Variants in SETBP1 observed in about 807,000 individuals in gnomAD.
SETBP1 encodes SET-binding protein.
A neutral mutation model predicts 101.0 loss-of-function variants in SETBP1; 9 were observed. The observed-to-expected ratio is 0.09, with a 90% confidence interval of 0.05 to 0.16. The LOEUF (loss-of-function observed/expected upper bound fraction) is 0.16, where lower values mean the gene tolerates loss of function less well. SETBP1 is among the 10% of genes least tolerant of loss of function. SETBP1 has a pLI of 1.00. For synonymous variants in SETBP1, 818 were observed against 788.5 expected (o/e 1.04, Z -0.63); for missense variants, 1,858 against 2,033.8 (o/e 0.91, Z 1.66).
chr18:44,761,500 C>G (rs1324573262), intron 2 of SETBP1, among the ~76,000 whole-genome samples: 1 of 152,194 alleles, frequency 6.6e-6, no homozygotes, highest in Non-Finnish European at 1.5e-5. Flanking sequence ...TGCCCAGGGT[C>G]ATACATGATA....
rs1365211294 is a variant in SETBP1 at position 45,063,365 on chromosome 18, C to A, written c.4458C>A (p.Gly1486=). 6.4e-6 allele frequency: 10 copies of A among 1,569,796 alleles called. No individual in the cohort carries two copies. The East Asian group carries it at 2.4e-4, about 38-fold the overall frequency. Residue 1486 remains glycine (G), a synonymous_variant, in exon 6 of 6, where the codon GGC becomes GGA. Coordinates refer to ENST00000649279, the MANE Select transcript of SETBP1 (RefSeq NM_015559.3). ...EKCIDLPSKR[G]QKPSLSPLVL... is the part of the protein sequence containing the mutation. The stretch of plus-strand genomic sequence containing the variant: ...GCATCGACCTGCCCAGCAAAAGAGG[C>A]CAGAAGCCCAGCCTGAGCCCGCTGG...
intron 2 of SETBP1, 45 bp from the exon 3 acceptor site, chr18:44,869,185 C>T (rs1285543812): frequency 1.3e-6 from 2 of 1,575,936 alleles, no homozygotes; most frequent in Non-Finnish European, 1.7e-6. Flanking sequence ...ATACTGTATG[C>T]AAACTGAAAA....
chr18:44,864,334 C>T (rs575130474), intron 2 of SETBP1, among the ~76,000 whole-genome samples: 2 of 152,062 alleles, frequency 1.3e-5, no homozygotes, highest in Non-Finnish European at 1.5e-5. Context: ...AGCAGAATGC[C>T]GCTGCTTAGG....
intron 5 of SETBP1, among the ~76,000 whole-genome samples, chr18:45,053,742 T>C (rs2073761284): frequency 6.6e-6 from 1 of 151,314 alleles, no homozygotes; most frequent in Non-Finnish European, 1.5e-5. Flanking sequence ...ATGTTTGCTA[T>C]ATGGTTCTTT....
chr18:44,791,936 G>A (rs542624391), intron 2 of SETBP1, among the ~76,000 whole-genome samples: 1 of 152,074 alleles, frequency 6.6e-6, no homozygotes, highest in Non-Finnish European at 1.5e-5. Flanking sequence ...ACTCAACTGT[G>A]GGGAAGGCAT....
chr18:44,952,783 A>C lies in SETBP1; in HGVS notation c.3443A>C (p.His1148Pro). The C allele has an allele frequency of 6.2e-7, 1 of 1,614,104 alleles. No individual in the cohort carries two copies. Among genetic ancestry groups the C allele is most frequent in the Non-Finnish European group, 8.5e-7 (1 of 1,180,022 alleles). The part of the protein sequence containing the change: ...GSASLSSGRL[H>P]KRKHKHKHKH... ...GCCAGTCTGTCCAGTGGTCGGCTCC[A>C]TAAGAGGAAACACAAACACAAGCAT... The change falls in exon 4 of 6, where the codon CAT (histidine) becomes CCT (proline). Residue 1148 changes from histidine (H) to proline (P), a missense_variant. Coordinates refer to ENST00000649279, the MANE Select transcript of SETBP1 (RefSeq NM_015559.3).
intron 3 of SETBP1, among the ~76,000 whole-genome samples, chr18:44,918,642 T>C (rs1235233442): frequency 2.0e-5 from 3 of 152,170 alleles, no homozygotes; most frequent in African/African-American, 7.2e-5. Flanking sequence ...TCCTCAAAGG[T>C]CCTTTCCAAC....
At chr18:44,992,709 G>T (rs957734778) in intron 4 of SETBP1, among the ~76,000 whole-genome samples, 2 of 151,920 alleles carry the variant, frequency 1.3e-5, no homozygotes, top group Non-Finnish European at 2.9e-5. Flanking sequence ...AGAATCAATA[G>T]TTTAAAAATC....
intron 3 of SETBP1, among the ~76,000 whole-genome samples, chr18:44,924,298 C>T (rs905519836): frequency 6.6e-6 from 1 of 152,168 alleles, no homozygotes; most frequent in South Asian, 2.1e-4. Flanking sequence ...ATCAGTGAGT[C>T]AGATGTCATC....
chr18:45,054,955 T>C (rs564697680), intron 5 of SETBP1, among the ~76,000 whole-genome samples: 1 of 152,324 alleles, frequency 6.6e-6, no homozygotes, highest in Non-Finnish European at 1.5e-5. Context: ...CTCACTGCCA[T>C]GGAATTGCAT....
intron 2 of SETBP1, among the ~76,000 whole-genome samples, chr18:44,845,250 G>A (rs965421126): frequency 6.6e-5 from 10 of 152,146 alleles, no homozygotes; most frequent in African/African-American, 4.8e-5. Context: ...GTTAAATGAC[G>A]TTCCTGTGTC....
At chr18:45,016,554 C>T (rs2072945898) in intron 4 of SETBP1, among the ~76,000 whole-genome samples, 2 of 152,128 alleles carry the variant, frequency 1.3e-5, no homozygotes, top group Non-Finnish European at 2.9e-5. Flanking sequence ...CCCAATCTCT[C>T]CAAGGAATAT....
rs562932558 is a variant in SETBP1 at position 44,757,056 on chromosome 18, C to T, written c.486+55224C>T. Among the ~76,000 whole-genome samples the T allele has an allele frequency of 4.6e-5, 7 of 152,006 alleles. No homozygotes were observed. In the South Asian group the frequency reaches 8.3e-4, roughly 18 times the overall value. On this transcript the variant is annotated intron_variant, in intron 2 of 5. Coordinates refer to ENST00000649279, the MANE Select transcript of SETBP1 (RefSeq NM_015559.3). ...ATTCTTTTTTTTTGGTAGGGGAGAGCGGCTGTATAATTTAGTTCACGTATC... is the reference window on the plus strand; with the variant it reads ...ATTCTTTTTTTTTGGTAGGGGAGAGTGGCTGTATAATTTAGTTCACGTATC...
At chr18:45,027,473 A>C (rs2073191095) in intron 4 of SETBP1, among the ~76,000 whole-genome samples, 1 of 152,154 alleles carries the variant, frequency 6.6e-6, no homozygotes, top group African/African-American at 2.4e-5. Flanking sequence ...CTCTCATATA[A>C]GATATTAACC....
chr18:44,805,062 C>T (rs1203599096), intron 2 of SETBP1, among the ~76,000 whole-genome samples: 1 of 151,990 alleles, frequency 6.6e-6, no homozygotes, highest in East Asian at 1.9e-4. Context: ...TGCTTCAACT[C>T]CTGGACTCAA....
chr18:44,707,299 C>T (rs1415838963), intron 2 of SETBP1, among the ~76,000 whole-genome samples: 1 of 152,188 alleles, frequency 6.6e-6, no homozygotes, highest in Non-Finnish European at 1.5e-5. Flanking sequence ...CCACATTTTC[C>T]CTAATTCTAA....
intron 3 of SETBP1, among the ~76,000 whole-genome samples, chr18:44,942,574 G>A (rs1408812606): frequency 6.6e-6 from 1 of 152,088 alleles, no homozygotes; most frequent in Non-Finnish European, 1.5e-5. Flanking sequence ...AGTACCCCCA[G>A]GCAGAAAACT....
intron 4 of SETBP1, among the ~76,000 whole-genome samples, chr18:44,978,306 G>A (rs183581669): frequency 2.0e-5 from 3 of 151,680 alleles, no homozygotes; most frequent in East Asian, 1.9e-4. Context: ...TTTTTATTCC[G>A]ACTGCAGAGT....
intron 4 of SETBP1, among the ~76,000 whole-genome samples, chr18:45,018,127 A>G (rs993158644): frequency 6.6e-6 from 1 of 152,222 alleles, no homozygotes; most frequent in Non-Finnish European, 1.5e-5. Flanking sequence ...CCCTTACCAC[A>G]TCTGACCCTC....
Sources: allele counts gnomAD v4.1 joint callset (sites outside exome capture counted in the v4.1 genomes callset), GRCh38; gene constraint gnomAD v4.1.1; transcripts MANE v1.5; gene names NCBI Gene and HGNC (gene_info 2026-07-23, HGNC 2026-07-21).